The following KLF8 variants were observed in gnomAD, a reference collection of about 807,000 sequenced individuals.
KLF8 encodes the protein KLF transcription factor 8.
Under a neutral mutation model 18.2 loss-of-function variants are expected in KLF8, and 10 were observed. That is an observed-to-expected ratio of 0.55 (90% CI 0.34 to 0.93). The LOEUF is 0.93. Among genes scored for constraint, KLF8 ranks in the 40% least tolerant of loss-of-function variants. The probability of loss-of-function intolerance (pLI) is 0.02; values close to 1 mark genes in which losing one functional copy is unlikely to be tolerated. For missense variants in KLF8, 264 were observed against 277.9 expected (o/e 0.95, Z 0.36); for synonymous variants, 109 against 97.3 (o/e 1.12, Z -0.71).
the KLF8 span, among the ~76,000 whole-genome samples, chrX:56,067,573 A>C: frequency 9.0e-6 from 1 of 111,323 alleles, no homozygotes; most frequent in South Asian, 3.9e-4. Flanking sequence ...CAGCAGGGGA[A>C]CACAGAGAGC....
chrX:56,130,001 C>A, the KLF8 span, among the ~76,000 whole-genome samples: 1 of 110,309 alleles, frequency 9.1e-6, no homozygotes, highest in African/African-American at 3.3e-5. Context: ...AACCTCCCAA[C>A]CCCCACAGCA....
the KLF8 span, among the ~76,000 whole-genome samples, chrX:56,160,127 T>A: frequency 2.0e-4 from 22 of 112,168 alleles, no homozygotes; most frequent in East Asian, 6.2e-3. Context: ...TCTTTTTTTC[T>A]GCCTTCATTT....
the KLF8 span, among the ~76,000 whole-genome samples, chrX:56,184,467 G>A: frequency 8.9e-6 from 1 of 112,689 alleles, no homozygotes; most frequent in Non-Finnish European, 1.9e-5. Context: ...CAAAAAGACA[G>A]CAGTAACCTT....
At chrX:56,264,198 A>C (rs2147647167) in intron 2 of KLF8, among the ~76,000 whole-genome samples, 1 of 111,194 alleles carries the variant, frequency 9.0e-6, no homozygotes, top group East Asian at 2.8e-4. Flanking sequence ...GAATTCTTAG[A>C]AAGTTTTTAA....
chrX:55,994,314 T>G, the KLF8 span, among the ~76,000 whole-genome samples: 1 of 110,951 alleles, frequency 9.0e-6, no homozygotes, highest in African/African-American at 3.3e-5. Context: ...TGGATCTTCT[T>G]TTTTCTTTAT....
rs141972167 is a variant in KLF8, at chrX:56,237,968, C to A, written c.7+4627C>A. 4.3e-3 allele frequency among the ~76,000 whole-genome samples: 484 copies of A among 111,763 alleles called. 5 individuals carry two copies. Among genetic ancestry groups the A allele is most frequent in the African/African-American group, 0.015 (466 of 30,813 alleles). ...TAGAAAGACACTAATCCTATCAGAT[C>A]AGAACCTCACCTTTATGAGCTCATT... is the stretch of plus-strand genomic sequence containing the variant. On this transcript the variant is annotated intron_variant, in intron 1 of 5. Transcript: ENST00000468660.
chrX:55,910,141 A>G, the KLF8 span, among the ~76,000 whole-genome samples: 3 of 111,818 alleles, frequency 2.7e-5, no homozygotes, highest in African/African-American at 6.5e-5. Context: ...CCTAGTTCTT[A>G]CTCAGCGGTC....
At chrX:56,051,513 C>T in the KLF8 span, among the ~76,000 whole-genome samples, 1 of 110,020 alleles carries the variant, frequency 9.1e-6, no homozygotes, top group Non-Finnish European at 1.9e-5. Flanking sequence ...GATTTTATTT[C>T]TCCTTCACTT....
the KLF8 span, among the ~76,000 whole-genome samples, chrX:56,040,667 AC>A: frequency 2.7e-5 from 3 of 109,273 alleles, no homozygotes; most frequent in South Asian, 1.2e-3. Flanking sequence ...AAGAATATTG[AC>A]CTGAAGTTTT....
At chrX:56,040,800 CTTTTTTTTTTTTTTTTTTTTTTTTT>C in the KLF8 span, among the ~76,000 whole-genome samples, 6 of 6,038 alleles carry the variant, frequency 9.9e-4, no homozygotes, top group East Asian at 0.057. Flanking sequence ...ATGATACCAG[CTTTTTTTTTTTTTTTTTTTTTTTTT>C]TTTTTTTTTT....
chrX:56,202,567 CCT>C, the KLF8 span, among the ~76,000 whole-genome samples: 11 of 95,898 alleles, frequency 1.1e-4, no homozygotes, highest in Middle Eastern at 5.1e-3. Flanking sequence ...CTTCCCCCCC[CCT>C]CCCACCTGCA....
the KLF8 span, among the ~76,000 whole-genome samples, chrX:56,190,352 A>G: frequency 6.3e-5 from 7 of 111,625 alleles, no homozygotes. Flanking sequence ...TAGAGCTAAA[A>G]AAGAGATAGA....
chrX:56,188,493 C>G, the KLF8 span, among the ~76,000 whole-genome samples: 1 of 111,854 alleles, frequency 8.9e-6, no homozygotes, highest in African/African-American at 3.3e-5. Flanking sequence ...CTACCAATGA[C>G]TTTCTTCACA....
At chrX:56,259,045 C>T (rs761915368) in intron 2 of KLF8, among the ~76,000 whole-genome samples, 1 of 111,770 alleles carries the variant, frequency 8.9e-6, no homozygotes, top group East Asian at 2.8e-4. Context: ...GTCACCTGCC[C>T]TTTATTTTTC....
the KLF8 span, among the ~76,000 whole-genome samples, chrX:55,954,302 C>T: frequency 9.0e-6 from 1 of 111,588 alleles, no homozygotes; most frequent in South Asian, 3.7e-4. Context: ...TCAACAGAAG[C>T]TGGGTCTCTG....
the KLF8 span, among the ~76,000 whole-genome samples, chrX:56,184,816 T>C: frequency 8.9e-6 from 1 of 112,481 alleles, no homozygotes; most frequent in South Asian, 3.7e-4. Context: ...CTGAGGGTCC[T>C]GTCTGTTAGA....
the KLF8 span, among the ~76,000 whole-genome samples, chrX:56,097,633 G>T: frequency 0.14 from 13,527 of 100,058 alleles, 1,086 homozygotes; most frequent in Non-Finnish European, 0.21. Flanking sequence ...TCATCATTTA[G>T]CATTAGGTAT....
the KLF8 span, among the ~76,000 whole-genome samples, chrX:55,970,497 T>C: frequency 6.3e-5 from 7 of 111,355 alleles, no homozygotes; most frequent in Non-Finnish European, 1.1e-4. Context: ...AACCAAAACC[T>C]TTAAGATCAG....
chrX:56,078,304 G>A, the KLF8 span, among the ~76,000 whole-genome samples: 3 of 111,971 alleles, frequency 2.7e-5, no homozygotes, highest in Admixed American at 9.4e-5. Context: ...TTATTATTTT[G>A]AGATACATCC....
Sources: allele counts gnomAD v4.1 joint callset (sites outside exome capture counted in the v4.1 genomes callset), GRCh38; gene constraint gnomAD v4.1.1; transcripts MANE v1.5; gene names NCBI Gene and HGNC (gene_info 2026-07-23, HGNC 2026-07-21).